Variants in DARS2 observed in about 807,000 individuals in gnomAD.
DARS2 encodes aspartyl-tRNA synthetase 2, mitochondrial.
A neutral mutation model predicts 83.0 loss-of-function variants in DARS2; 63 were observed. That is an observed-to-expected ratio of 0.76 (90% CI 0.62 to 0.94). The LOEUF is 0.94. Ranked by LOEUF, DARS2 falls within the 40% of genes least tolerant of loss-of-function variation. The pLI is 0.00. For synonymous variants in DARS2, 250 were observed against 269.3 expected, an observed-to-expected ratio of 0.93 and a Z score of 0.70; for missense variants, 675 against 774.4, an observed-to-expected ratio of 0.87 and a Z score of 1.52.
chr1:173,838,026 G>A (rs965820232), intron 8 of DARS2, among the ~76,000 whole-genome samples, 164 bp from the exon 9 acceptor site: 6 of 152,180 alleles, frequency 3.9e-5, no homozygotes, highest in African/African-American at 1.4e-4. Context: ...GCCCGCCTTG[G>A]CCTCCCAAAG....
chr1:173,852,310 C>T (rs1445293065), intron 13 of DARS2: 3 of 888,664 alleles, frequency 3.4e-6, no homozygotes, highest in Non-Finnish European at 4.0e-6. Flanking sequence ...GTTCTAAGCA[C>T]TTTGTATACA....
intron 9 of DARS2, among the ~76,000 whole-genome samples, chr1:173,839,135 C>T (rs542040032): frequency 2.6e-5 from 4 of 152,252 alleles, no homozygotes; most frequent in East Asian, 1.9e-4. Flanking sequence ...ATTGCACATA[C>T]GCAAATAAGT....
At chr1:173,826,179 G>A (rs773772522) in intron 1 of DARS2, among the ~76,000 whole-genome samples, 1 of 150,954 alleles carries the variant, frequency 6.6e-6, no homozygotes, top group African/African-American at 2.4e-5. Flanking sequence ...AGCCGAGATC[G>A]CGCCACTGCA....
chr1:173,850,214 C>A, intron 12 of DARS2, 113 bp from the exon 13 acceptor site: 1 of 1,213,996 alleles, frequency 8.2e-7, no homozygotes, highest in South Asian at 1.5e-5. Context: ...GAGACAATCT[C>A]TTTTAAATTC....
intron 1 of DARS2, among the ~76,000 whole-genome samples, chr1:173,825,908 CT>C: frequency 6.6e-6 from 1 of 151,592 alleles, no homozygotes; most frequent in East Asian, 2.0e-4. Flanking sequence ...GAATACTCTG[CT>C]TTTGGTTGAT....
chr1:173,829,716 T>C (rs1652723590), intron 3 of DARS2, among the ~76,000 whole-genome samples: 2 of 151,976 alleles, frequency 1.3e-5, no homozygotes, highest in African/African-American at 4.8e-5. Context: ...AAGACCAGCC[T>C]GACCAACATG....
intron 12 of DARS2, among the ~76,000 whole-genome samples, chr1:173,847,413 G>T (rs772672147): frequency 6.6e-6 from 1 of 151,936 alleles, no homozygotes; most frequent in Non-Finnish European, 1.5e-5. Flanking sequence ...CAGTTGATGG[G>T]ACTATTATTA....
intron 10 of DARS2, among the ~76,000 whole-genome samples, chr1:173,839,971 G>A (rs1454666878): frequency 1.3e-5 from 2 of 152,140 alleles, no homozygotes; most frequent in East Asian, 3.9e-4. Flanking sequence ...AGCAGGGGTA[G>A]AATTTATATA....
intron 11 of DARS2, among the ~76,000 whole-genome samples, chr1:173,843,885 TAGG>T (rs1653323027): frequency 6.6e-6 from 1 of 152,212 alleles, no homozygotes; most frequent in African/African-American, 2.4e-5. Flanking sequence ...CTCTTGGCTG[TAGG>T]AGAAGCAGTT....
Position 173,853,941 on chromosome 1 carries a change from T to C in DARS2, c.1674+36T>C, listed in dbSNP as rs1410777055. ...TCATCTGCTATCCTGGGCTTATTTT[T>C]TTACCAGAATATTTTTCAGTTTTGT... On this transcript the variant is annotated intron_variant, in intron 15 of 16. Coordinates refer to ENST00000649689, the MANE Select transcript of DARS2 (RefSeq NM_018122.5). The C allele has an allele frequency of 3.9e-6, 6 of 1,537,794 alleles. No individual in the cohort carries two copies. The Admixed American group carries it at 1.0e-4, about 26-fold the overall frequency.
Position 173,857,794 on chromosome 1 carries a change from G to C in DARS2, c.*89G>C, listed in dbSNP as rs546699392. The stretch of plus-strand genomic sequence containing the variant: ...AAGTCAGATCTAGAGTTCTGCCACA[G>C]GTCTAACAATCAAGTCTTTAGATGG... On this transcript the variant is annotated 3_prime_UTR_variant, in exon 17 of 17. Coordinates refer to ENST00000649689, the MANE Select transcript of DARS2 (RefSeq NM_018122.5). The C allele has an allele frequency of 1.3e-4, 183 of 1,389,678 alleles. 1 individual carries two copies. The South Asian group carries it at 2.0e-3, about 15-fold the overall frequency. The allele number at this position is 1,389,678 out of a possible 1,614,324, so 86.1% of individuals were successfully genotyped here.
intron 12 of DARS2, 87 bp from the exon 13 acceptor site, chr1:173,850,240 C>T (rs1327093938): frequency 8.8e-5 from 123 of 1,390,806 alleles, no homozygotes; most frequent in Non-Finnish European, 1.1e-4. Context: ...TATTGGGAAC[C>T]GGAAATCTTT....
In DARS2 at chr1:173,825,018, C is replaced by A; in HGVS notation, c.-212C>A. 1.9e-6 allele frequency: 1 copy of A among 533,456 alleles called. No homozygotes were observed. The highest frequency in any genetic ancestry group is 3.3e-6 in the Non-Finnish European group (1 of 303,772). 33.0% of individuals were successfully genotyped at this position (533,456 alleles called of 1,614,324 possible). A position where few individuals can be genotyped will look rare whatever the true frequency, so the allele number is the denominator to read the frequency against. ...ACTCAGGGAGAGGTCTTTCCCTTAT[C>A]TCCACCCCAGCAAGCACCCCAGAGA... On this transcript the variant is annotated 5_prime_UTR_variant, in exon 1 of 17. Transcript: ENST00000649689.
rs184188182 is a variant in DARS2 at position 173,838,960 on chromosome 1, C to T, written c.841-407C>T. On this transcript the variant is annotated intron_variant, in intron 9 of 16. Coordinates refer to ENST00000649689, the MANE Select transcript of DARS2 (RefSeq NM_018122.5). ...CCATGTTGGCCAGGATGGTCTGGAT[C>T]TCCTGACCTCGTGATCCACCCGCCT... Among the ~76,000 whole-genome samples the T allele has an allele frequency of 3.7e-4, 57 of 152,230 alleles. No homozygotes were observed. The South Asian group carries it at 7.3e-3, about 19-fold the overall frequency.
chr1:173,827,929 A>C (rs1362602737), intron 2 of DARS2, among the ~76,000 whole-genome samples: 1 of 152,190 alleles, frequency 6.6e-6, no homozygotes, highest in East Asian at 1.9e-4. Context: ...ATTATGCTAA[A>C]ATACTATCTT....
At chr1:173,830,514 G>T in intron 3 of DARS2, 146 bp from the exon 4 acceptor site, 2 of 685,176 alleles carry the variant, frequency 2.9e-6, no homozygotes, top group Non-Finnish European at 2.6e-6. Flanking sequence ...TACTAAATTT[G>T]GTAATAAAGT....
chr1:173,852,505 A>T (rs1054204910), intron 13 of DARS2, among the ~76,000 whole-genome samples: 5 of 151,288 alleles, frequency 3.3e-5, no homozygotes, highest in Admixed American at 1.3e-4. Context: ...ATTTTTTTTT[A>T]TTTTTTATTT....
intron 13 of DARS2, 68 bp downstream of exon 13, chr1:173,850,547 T>C (rs1228551467): frequency 4.0e-6 from 6 of 1,501,086 alleles, no homozygotes; most frequent in South Asian, 2.3e-5. Flanking sequence ...CCTATGTATA[T>C]AGTATACGTT....
chr1:173,856,752 T>C lies in DARS2; in HGVS notation c.1750+11T>C, dbSNP rs535671373. 79 of 1,612,324 alleles carry C rather than the reference T, an allele frequency of 4.9e-5. No individual in the cohort carries two copies. In the South Asian group the frequency reaches 7.8e-4, roughly 16 times the overall value. On this transcript the variant is annotated intron_variant, in intron 16 of 16. Transcript: ENST00000649689. ...GAGGAATTGCCTTAGGTAAACAACT[T>C]TTCCTTTTATAAGATAAACTGAATT... is the stretch of plus-strand genomic sequence containing the variant.
Sources: gnomAD v4.1 joint callset for allele counts (sites outside exome capture counted in the v4.1 genomes callset) on GRCh38, gnomAD v4.1.1 for gene constraint, MANE v1.5 for transcripts, NCBI Gene and HGNC (gene_info 2026-07-23, HGNC 2026-07-21) for gene names.